Variants in LUC7L2 observed in about 807,000 individuals in gnomAD.
LUC7L2 encodes the protein LUC7 like 2, pre-mRNA splicing factor, also known as putative RNA-binding protein Luc7-like 2.
Under a neutral mutation model 52.8 loss-of-function variants are expected in LUC7L2, and 25 were observed. The ratio of observed to expected loss-of-function variants is 0.47; its 90% CI spans 0.34 to 0.66. The LOEUF (loss-of-function observed/expected upper bound fraction) is 0.66. LUC7L2 is among the 30% of genes least tolerant of loss of function. The pLI is 0.01. For missense variants in LUC7L2, 328 were observed against 497.8 expected, an observed-to-expected ratio of 0.66 and a Z score of 3.25; for synonymous variants, 144 against 160.9, an observed-to-expected ratio of 0.89 and a Z score of 0.80.
chr7:139,350,310 A>G, intron 1 of LUC7L2, among the ~76,000 whole-genome samples: 1 of 151,790 alleles, frequency 6.6e-6, no homozygotes, highest in Admixed American at 6.6e-5. Flanking sequence ...TTTAGTAGAG[A>G]CGGGGTTTCA....
rs1326465793 is a variant in LUC7L2, at chr7:139,354,237, T to A, written c.-26+13720T>A. On this transcript the variant is annotated intron_variant, in intron 1 of 10. Transcript: ENST00000541170. The stretch of plus-strand genomic sequence containing the variant: ...ATTGGAACAAAAGTCAAAATTTTTT[T>A]AAATTCTTGAAATCATTAAAGAGCT... Among the ~76,000 whole-genome samples, 6 of 152,254 alleles carry A rather than the reference T, an allele frequency of 3.9e-5. No individual in the cohort carries two copies. In the East Asian group the frequency reaches 9.6e-4, roughly 24 times the overall value.
intron 1 of LUC7L2, among the ~76,000 whole-genome samples, chr7:139,364,947 G>C (rs1470480206): frequency 6.6e-6 from 1 of 152,188 alleles, no homozygotes; most frequent in Non-Finnish European, 1.5e-5. Flanking sequence ...TTAAGTGAAG[G>C]AGGCGGAGCC....
chr7:139,367,331 A>T (rs1800213628), intron 1 of LUC7L2, among the ~76,000 whole-genome samples: 1 of 152,098 alleles, frequency 6.6e-6, no homozygotes, highest in Non-Finnish European at 1.5e-5. Flanking sequence ...ATGTCAACTC[A>T]CTTTCTAAAA....
At chr7:139,356,738 C>G (rs1047167154), upstream of LUC7L2, among the ~76,000 whole-genome samples, 1 of 151,914 alleles carries the variant, frequency 6.6e-6, no homozygotes, top group African/African-American at 2.4e-5. Flanking sequence ...TGTAAATGAA[C>G]GAGCCTGGCA....
In LUC7L2 at chr7:139,423,374, GAA is replaced by G. The variant is rs947444986; in HGVS notation, c.*1035_*1036del. The G allele has an allele frequency of 5.0e-6, 2 of 398,878 alleles. No individual in the cohort carries two copies. Among genetic ancestry groups the G allele is most frequent in the African/African-American group, 4.1e-5 (2 of 48,612 alleles). 24.7% of individuals were successfully genotyped at this position (398,878 alleles called of 1,614,324 possible). A position where few individuals can be genotyped will look rare whatever the true frequency, so the allele number is the denominator to read the frequency against. On this transcript the variant is annotated 3_prime_UTR_variant, in exon 10 of 10. Coordinates refer to ENST00000354926, the MANE Select transcript of LUC7L2 (RefSeq NM_016019.5). ...GGTTGTTTGTAATGACCGTTATAGA[GAA>G]GGGCTCGACCTGCAGAAGAAACTGG...
intron 1 of LUC7L2, among the ~76,000 whole-genome samples, chr7:139,366,924 C>T (rs1800187481): frequency 6.6e-6 from 1 of 152,184 alleles, no homozygotes; most frequent in African/African-American, 2.4e-5. Context: ...AAACCCTCTT[C>T]TAGATCAGTG....
intron 1 of LUC7L2, among the ~76,000 whole-genome samples, chr7:139,361,481 C>T (rs1244054511): frequency 2.6e-5 from 4 of 152,212 alleles, no homozygotes; most frequent in Non-Finnish European, 5.9e-5. Context: ...GCATTCAAAT[C>T]TTTCAGCAGT....
In LUC7L2 at chr7:139,422,553, C is replaced by A; in HGVS notation, c.*213C>A. The stretch of plus-strand genomic sequence containing the variant: ...TTTCTGGTGAACCTGTAATACAGTT[C>A]TGAAAGTACAGTTTTATATAATAAG... On this transcript the variant is annotated 3_prime_UTR_variant, in exon 10 of 10. Transcript: ENST00000354926. 1 of 1,001,022 alleles carries A rather than the reference C, an allele frequency of 1.0e-6. No individual in the cohort carries two copies. The highest frequency in any genetic ancestry group is 1.3e-6 in the Non-Finnish European group (1 of 765,946). 62.0% of individuals were successfully genotyped at this position (1,001,022 alleles called of 1,614,324 possible).
intron 2 of LUC7L2, among the ~76,000 whole-genome samples, chr7:139,390,392 C>G (rs1273267218): frequency 6.6e-6 from 1 of 151,484 alleles, no homozygotes; most frequent in African/African-American, 2.4e-5. Context: ...TCTTGAGTAG[C>G]TAATTTTTGT....
intron 1 of LUC7L2, among the ~76,000 whole-genome samples, chr7:139,361,113 T>C (rs1396749257): frequency 6.6e-6 from 1 of 152,262 alleles, no homozygotes; most frequent in Non-Finnish European, 1.5e-5. Flanking sequence ...GAGCCCTTAA[T>C]TGCTGGATTA....
chr7:139,382,894 G>A (rs1454379772), intron 2 of LUC7L2, among the ~76,000 whole-genome samples: 1 of 151,764 alleles, frequency 6.6e-6, no homozygotes, highest in African/African-American at 2.4e-5. Context: ...TCAGTTATGT[G>A]GGTACATACA....
chr7:139,378,415 T>TA (rs568247470), intron 2 of LUC7L2, among the ~76,000 whole-genome samples: 9 of 148,898 alleles, frequency 6.0e-5, no homozygotes, highest in East Asian at 3.9e-4. Context: ...CAAAAAGAAT[T>TA]AAAAAAAAAA....
intron 1 of LUC7L2, among the ~76,000 whole-genome samples, chr7:139,372,226 T>C (rs1240937874): frequency 7.0e-6 from 1 of 142,414 alleles, no homozygotes; most frequent in Non-Finnish European, 1.5e-5. Flanking sequence ...TCGCCTGATC[T>C]CTGTTCCATT....
intron 4 of LUC7L2, among the ~76,000 whole-genome samples, chr7:139,403,814 T>C (rs1273275778): frequency 6.6e-6 from 1 of 152,190 alleles, no homozygotes; most frequent in Non-Finnish European, 1.5e-5. Context: ...CACTAGAGGA[T>C]GCAGAGCCAT....
At chr7:139,390,370 C>T (rs1209157365) in intron 2 of LUC7L2, among the ~76,000 whole-genome samples, 1 of 151,302 alleles carries the variant, frequency 6.6e-6, no homozygotes, top group Admixed American at 6.6e-5. Context: ...AAGTGATTTT[C>T]CTGCCTCAGC....
intron 1 of LUC7L2, chr7:139,363,083 T>C (rs1430814947): frequency 7.8e-6 from 2 of 256,278 alleles, no homozygotes; most frequent in African/African-American, 2.3e-5. Context: ...GCCGGGAGGC[T>C]GGGCAGGGGG....
chr7:139,349,189 A>G (rs1292220136), intron 1 of LUC7L2, among the ~76,000 whole-genome samples: 1 of 152,082 alleles, frequency 6.6e-6, no homozygotes, highest in African/African-American at 2.4e-5. Flanking sequence ...AAAATCAGAC[A>G]CTTGCATGGT....
chr7:139,405,619 G>A lies in LUC7L2; in HGVS notation c.367-25G>A, dbSNP rs770098649. ...AAAATTCATTCTCTTGTTTATTCAT[G>A]ATCTTCTTTTTTATTTCTTTTTAGG... On this transcript the variant is annotated intron_variant, in intron 4 of 9. Transcript: ENST00000354926. 7.0e-6 allele frequency: 11 copies of A among 1,568,728 alleles called. No homozygotes were observed. In the African/African-American group the frequency reaches 1.5e-4, roughly 22 times the overall value.
At chr7:139,396,067 GTGTT>G (rs1794652903) in intron 2 of LUC7L2, among the ~76,000 whole-genome samples, 1 of 152,204 alleles carries the variant, frequency 6.6e-6, no homozygotes, top group African/African-American at 2.4e-5. Context: ...TGTCAAAACA[GTGTT>G]TGAACATCTC....
Sources: gnomAD v4.1 joint callset for allele counts (sites outside exome capture counted in the v4.1 genomes callset) on GRCh38, gnomAD v4.1.1 for gene constraint, MANE v1.5 for transcripts, NCBI Gene and HGNC (gene_info 2026-07-23, HGNC 2026-07-21) for gene names.